MTMR12: variants seen among roughly 807,000 people sequenced by gnomAD.
MTMR12 encodes the protein myotubularin related protein 12, also known as myotubularin-related protein 12.
MTMR12 carries 33 observed loss-of-function variants against 96.7 expected under a neutral mutation model. The observed-to-expected ratio is 0.34, with a 90% CI of 0.26 to 0.46. The LOEUF (loss-of-function observed/expected upper bound fraction) is 0.46. MTMR12 is among the 20% of genes least tolerant of loss of function. The pLI, the probability that MTMR12 is intolerant of heterozygous loss-of-function variation, is 1.00. For missense variants in MTMR12, 721 were observed against 896.1 expected, an observed-to-expected ratio of 0.80 and a Z score of 2.49; for synonymous variants, 298 against 327.2, an observed-to-expected ratio of 0.91 and a Z score of 0.96.
At chr5:32,235,737 A>G (rs1192156116) in intron 13 of MTMR12, among the ~76,000 whole-genome samples, 1 of 152,204 alleles carries the variant, frequency 6.6e-6, no homozygotes, top group Non-Finnish European at 1.5e-5. Flanking sequence ...TGTTTTCAAA[A>G]TGCATCTTTA....
intron 3 of MTMR12, 105 bp from the exon 4 acceptor site, chr5:32,272,010 G>A: frequency 3.1e-6 from 2 of 651,846 alleles, no homozygotes; most frequent in South Asian, 2.7e-5. Context: ...AAAAATGGGG[G>A]GCCGGGTGCA....
At position 32,242,133 on chromosome 5, in the gene MTMR12, T is replaced by C. The variant is rs1371406725; in HGVS notation, c.1101-6A>G. On this transcript the variant is annotated splice_polypyrimidine_tract_variant and splice_region_variant and intron_variant, in intron 11 of 15. Transcript: ENST00000382142. ...TTGCTTTTTTCAGGCAACGTCTGAA[T>C]AGGAAAGAGACAAGAAAAAGGGGCA... The C allele has an allele frequency of 1.9e-6, 3 of 1,607,860 alleles. No individual in the cohort carries two copies. Among genetic ancestry groups the C allele is most frequent in the East Asian group, 2.2e-5 (1 of 44,786 alleles).
chr5:32,277,503 A>T (rs1380721503), intron 1 of MTMR12, among the ~76,000 whole-genome samples: 1 of 152,178 alleles, frequency 6.6e-6, no homozygotes, highest in Non-Finnish European at 1.5e-5. Flanking sequence ...GTTCGAAACC[A>T]GCCTGGCCAA....
At chr5:32,259,269 G>A (rs1207100484) in intron 7 of MTMR12, among the ~76,000 whole-genome samples, 6 of 152,160 alleles carry the variant, frequency 3.9e-5, no homozygotes, top group African/African-American at 1.4e-4. Flanking sequence ...ACAGCTCCTA[G>A]GTCCCTCTGT....
chr5:32,304,879 C>T (rs1267005158), intron 1 of MTMR12, among the ~76,000 whole-genome samples: 6 of 152,100 alleles, frequency 3.9e-5, no homozygotes, highest in Admixed American at 1.3e-4. Context: ...GCAGGAAGCA[C>T]GGGCAGGAGA....
At chr5:32,284,317 C>CAAAAAAAAA (rs57597487) in intron 1 of MTMR12, among the ~76,000 whole-genome samples, 1 of 47,266 alleles carries the variant, frequency 2.1e-5, no homozygotes, top group Non-Finnish European at 4.5e-5. Context: ...GACCCTGTCT[C>CAAAAAAAAA]AAAAAAAAAA....
intron 4 of MTMR12, 27 bp downstream of exon 4, chr5:32,271,806 A>G (rs1286395592): frequency 2.1e-6 from 3 of 1,441,654 alleles, no homozygotes; most frequent in Non-Finnish European, 2.8e-6. Context: ...AAGGTTGCCA[A>G]CACCCCAGGG....
chr5:32,243,431 T>C, intron 11 of MTMR12, 90 bp downstream of exon 11: 1 of 888,990 alleles, frequency 1.1e-6, no homozygotes, highest in Non-Finnish European at 1.8e-6. Context: ...AACTGTCAAA[T>C]ATCAAACAGT....
chr5:32,244,823 T>C (rs1225585459), intron 10 of MTMR12, among the ~76,000 whole-genome samples: 4 of 152,140 alleles, frequency 2.6e-5, no homozygotes, highest in South Asian at 4.1e-4. Flanking sequence ...AGTTAATATA[T>C]ACAAGGGGAC....
At position 32,228,603 on chromosome 5, in the gene MTMR12, T is replaced by TCAC. The variant is rs374225889; in HGVS notation, c.*1174_*1175insGTG. 7 of 120,832 alleles carry TCAC rather than the reference T, an allele frequency of 5.8e-5. No homozygotes were observed. The highest frequency in any genetic ancestry group is 2.8e-4 in the South Asian group (1 of 3,596). 7.5% of individuals were successfully genotyped at this position (120,832 alleles called of 1,614,324 possible). ...ATCATATATATGTGATATATATATA[T>TCAC]ATATCATATATATGATATATATATA... On this transcript the variant is annotated 3_prime_UTR_variant, in exon 16 of 16. Coordinates refer to ENST00000382142, the MANE Select transcript of MTMR12 (RefSeq NM_001040446.3).
At position 32,242,135 on chromosome 5, in the gene MTMR12, G is replaced by C. The variant is rs760085307; in HGVS notation, c.1101-8C>G. On this transcript the variant is annotated splice_polypyrimidine_tract_variant and splice_region_variant and intron_variant, in intron 11 of 15. Transcript: ENST00000382142. ...GCTTTTTTCAGGCAACGTCTGAATAGGAAAGAGACAAGAAAAAGGGGCATT... is the reference window on the plus strand; with the variant it reads ...GCTTTTTTCAGGCAACGTCTGAATACGAAAGAGACAAGAAAAAGGGGCATT... 12 of 1,602,230 alleles carry C rather than the reference G, an allele frequency of 7.5e-6. No homozygotes were observed. In the African/African-American group the frequency reaches 1.6e-4, roughly 21 times the overall value.
intron 1 of MTMR12, among the ~76,000 whole-genome samples, chr5:32,303,667 G>A (rs1198602550): frequency 6.6e-6 from 1 of 151,984 alleles, no homozygotes; most frequent in Non-Finnish European, 1.5e-5. Flanking sequence ...ATTTGTAGTT[G>A]ATCAAAACTC....
At position 32,230,340 on chromosome 5, in the gene MTMR12, CGTT is replaced by C. The variant is rs779387449; in HGVS notation, c.1679_1681del (p.Gln560del). On this transcript the variant is annotated inframe_deletion, in exon 16 of 16. Transcript: ENST00000382142. ...TTGTGTAAGTGGCAAAGAAAGTTGT[CGTT>C]GATGCTTTGAGAGAAAACACAAATA... The C allele has an allele frequency of 1.9e-6, 3 of 1,600,858 alleles. No homozygotes were observed. Among genetic ancestry groups the C allele is most frequent in the African/African-American group, 1.3e-5 (1 of 74,160 alleles).
intron 1 of MTMR12, among the ~76,000 whole-genome samples, chr5:32,279,980 T>C (rs1425620260): frequency 1.3e-5 from 2 of 152,180 alleles, no homozygotes; most frequent in Non-Finnish European, 2.9e-5. Flanking sequence ...GTCTAGGGGC[T>C]GGGGACATAC....
chr5:32,311,225 A>C (rs565880063), intron 1 of MTMR12, among the ~76,000 whole-genome samples: 1 of 152,346 alleles, frequency 6.6e-6, no homozygotes. Flanking sequence ...AAATGTTTAA[A>C]TGTTTTAAAA....
chr5:32,306,037 C>T (rs1032851648), intron 1 of MTMR12, among the ~76,000 whole-genome samples: 2 of 152,172 alleles, frequency 1.3e-5, no homozygotes, highest in South Asian at 4.2e-4. Context: ...CAGCAGTTAC[C>T]TGGTTGACAA....
intron 1 of MTMR12, among the ~76,000 whole-genome samples, chr5:32,290,028 G>A (rs575894617): frequency 2.6e-5 from 4 of 152,174 alleles, no homozygotes; most frequent in Non-Finnish European, 5.9e-5. Context: ...TAACCAAGAG[G>A]TGACTCCAGT....
At chr5:32,259,862 C>A (rs1749289630) in intron 7 of MTMR12, among the ~76,000 whole-genome samples, 1 of 151,894 alleles carries the variant, frequency 6.6e-6, no homozygotes, top group Non-Finnish European at 1.5e-5. Flanking sequence ...ATGGTGAAAC[C>A]CCGTCTCTAC....
intron 1 of MTMR12, among the ~76,000 whole-genome samples, chr5:32,287,484 T>C (rs909844143): frequency 2.0e-5 from 3 of 152,216 alleles, no homozygotes; most frequent in Admixed American, 6.5e-5. Context: ...GCAGACAGAC[T>C]ACTGTGGGAA....
Sources: gnomAD v4.1 joint callset for allele counts (sites outside exome capture counted in the v4.1 genomes callset) on GRCh38, gnomAD v4.1.1 for gene constraint, MANE v1.5 for transcripts, NCBI Gene and HGNC (gene_info 2026-07-23, HGNC 2026-07-21) for gene names.